Variants in NDUFB11 observed in about 807,000 individuals in gnomAD.
The protein encoded by NDUFB11 is NADH dehydrogenase [ubiquinone] 1 beta subcomplex subunit 11, mitochondrial.
For missense variants in NDUFB11, 108 were observed against 133.8 expected (o/e 0.81, Z 0.95); for synonymous variants, 51 against 57.4 (o/e 0.89, Z 0.51).
chrX:47,142,549 C>G (rs782122039), intron 2 of NDUFB11, 65 bp downstream of exon 2: 2 of 1,202,944 alleles, frequency 1.7e-6, no homozygotes, highest in Non-Finnish European at 2.2e-6. Flanking sequence ...CTGGCAGAAT[C>G]CCCTTCAACC....
chrX:47,144,560 C>A lies in NDUFB11; in HGVS notation c.120G>T (p.Pro40=). ...ESSFSRTVVA[P]SAVAGKRPPE... ...GGGGCCGCTTTCCCGCCACAGCGGA[C>A]GGGGCGACCACAGTCCTGGAGAAGC... is the stretch of plus-strand genomic sequence containing the variant. Residue 40 remains proline (P), a synonymous_variant, in exon 1 of 3, where the codon CCG becomes CCT. Coordinates refer to ENST00000377811, the MANE Select transcript of NDUFB11 (RefSeq NM_001135998.3). 1 of 1,191,558 alleles carries A rather than the reference C, an allele frequency of 8.4e-7. No individual in the cohort carries two copies. Among genetic ancestry groups the A allele is most frequent in the Non-Finnish European group, 1.1e-6 (1 of 884,224 alleles).
At chrX:47,142,557 A>G (rs2147049616) in intron 2 of NDUFB11, 57 bp downstream of exon 2, 2 of 1,205,749 alleles carry the variant, frequency 1.7e-6, no homozygotes, top group Non-Finnish European at 2.2e-6. Context: ...ATCCCCTTCA[A>G]CCTCCATCCC....
chrX:47,142,863 G>T, intron 1 of NDUFB11, 119 bp from the exon 2 acceptor site: 1 of 845,739 alleles, frequency 1.2e-6, no homozygotes, highest in Non-Finnish European at 1.7e-6. Flanking sequence ...CCATTCTTGG[G>T]ATATGTCAAG....
intron 1 of NDUFB11, 74 bp from the exon 2 acceptor site, chrX:47,142,818 T>G: frequency 1.9e-6 from 2 of 1,072,295 alleles, no homozygotes; most frequent in Non-Finnish European, 1.3e-6. Flanking sequence ...CATAACTTGG[T>G]CTCCATGTGC....
At chrX:47,144,128 T>TAA (rs781935812) in intron 1 of NDUFB11, among the ~76,000 whole-genome samples, 46 of 86,405 alleles carry the variant, frequency 5.3e-4, no homozygotes, top group Middle Eastern at 6.5e-3. Context: ...CTCGTCCCTA[T>TAA]AAAAAAAAAA....
intron 1 of NDUFB11, 32 bp from the exon 2 acceptor site, chrX:47,142,776 C>G (rs183198191): frequency 8.4e-7 from 1 of 1,189,824 alleles, no homozygotes; most frequent in Non-Finnish European, 1.1e-6. Context: ...TGAGGGCTTC[C>G]TGCTGCTCCA....
rs1931797860 is a variant in NDUFB11, at chrX:47,142,246, C to T, written c.*71G>A. On this transcript the variant is annotated 3_prime_UTR_variant, in exon 3 of 3. Transcript: ENST00000377811. ...CTTTCAGCCCCTTTAATTAGGTGCT[C>T]TGAGAAGAGGTCAGAATGGCAGGCA... 2 of 1,158,301 alleles carry T rather than the reference C, an allele frequency of 1.7e-6. No individual in the cohort carries two copies. The highest frequency in any genetic ancestry group is 2.3e-6 in the Non-Finnish European group (2 of 870,211).
At position 47,144,500 on chromosome X, in the gene NDUFB11, T is replaced by C. The variant is rs1556761186; in HGVS notation, c.180A>G (p.Glu60=). The change falls in exon 1 of 3, where the codon GAA becomes GAG. Residue 60 remains glutamate, a synonymous_variant. Transcript: ENST00000377811. ...EPTTPWQEDP[E]PEDENLYEKN... ...TCTCATACAAGTTTTCGTCCTCGGG[T>C]TCTGGGTCCTCTTGCCACGGTGTGG... 2.4e-6 allele frequency: 2 copies of C among 821,421 alleles called. No homozygotes were observed. The highest frequency in any genetic ancestry group is 3.2e-5 in the South Asian group (1 of 31,221). The allele number at this position is 821,421 out of a possible 1,213,427, so 67.7% of individuals were successfully genotyped here. A position where few individuals can be genotyped will look rare whatever the true frequency, so the allele number is the denominator to read the frequency against.
At chrX:47,144,446 A>AGCCCCCCC in intron 1 of NDUFB11, 27 bp downstream of exon 1, 1 of 53,657 alleles carries the variant, frequency 1.9e-5, no homozygotes, top group Admixed American at 1.9e-4. Context: ...CGTCCCCACT[A>AGCCCCCCC]CCCCCCCCCC....
At chrX:47,142,900 C>G (rs1436024769) in intron 1 of NDUFB11, among the ~76,000 whole-genome samples, 156 bp from the exon 2 acceptor site, 1 of 112,153 alleles carries the variant, frequency 8.9e-6, no homozygotes, top group African/African-American at 3.2e-5. Context: ...GGCCACTGCA[C>G]TTGCTGCTCT....
chrX:47,144,712 G>T (rs1931970332), upstream of NDUFB11: 20 of 1,099,978 alleles, frequency 1.8e-5, no homozygotes, highest in Non-Finnish European at 2.3e-5. Context: ...CAGGGGCGGG[G>T]AAAGAAATGC....
At chrX:47,142,891 GC>G in intron 1 of NDUFB11, 147 bp from the exon 2 acceptor site, 1 of 620,906 alleles carries the variant, frequency 1.6e-6, no homozygotes, top group Non-Finnish European at 2.4e-6. Context: ...CCACTGCAGG[GC>G]CACTGCACTT....
In NDUFB11 at chrX:47,142,390, T is replaced by C. The variant is rs1931804325; in HGVS notation, c.389A>G (p.Glu130Gly). The C allele has an allele frequency of 8.3e-7, 1 of 1,209,866 alleles. No homozygotes were observed. The highest frequency in any genetic ancestry group is 2.2e-5 in the Admixed American group (1 of 45,738). ...TTCCATGATGGGAAGGCCATTGGCC[T>C]CTCGGTATTTCACAAGCCTCTCAGC... is the stretch of plus-strand genomic sequence containing the variant. ...REAERLVKYR[E>G]ANGLPIMESN... Residue 130 changes from glutamate to glycine, a missense_variant, in exon 3 of 3, where the codon GAG (glutamate) becomes GGG (glycine). Coordinates refer to ENST00000377811, the MANE Select transcript of NDUFB11 (RefSeq NM_001135998.3).
intron 1 of NDUFB11, 27 bp downstream of exon 1, chrX:47,144,446 A>AGCCCCCCCCCCCC: frequency 1.9e-5 from 1 of 53,658 alleles, no homozygotes; most frequent in African/African-American, 3.5e-4. Flanking sequence ...CGTCCCCACT[A>AGCCCCCCCCCCCC]CCCCCCCCCC....
At chrX:47,144,445 T>TGGGCCCCCCCCCCCC in intron 1 of NDUFB11, 28 bp downstream of exon 1, 1 of 61,004 alleles carries the variant, frequency 1.6e-5, no homozygotes, top group Non-Finnish European at 2.6e-5. Context: ...CCGTCCCCAC[T>TGGGCCCCCCCCCCCC]ACCCCCCCCC....
intron 1 of NDUFB11, 104 bp from the exon 2 acceptor site, chrX:47,142,848 T>C: frequency 3.2e-6 from 3 of 926,630 alleles, no homozygotes; most frequent in Non-Finnish European, 4.5e-6. Flanking sequence ...TAAATTCCTC[T>C]GTTTCCATTC....
rs1931955439 is a variant in NDUFB11, at chrX:47,144,597, C to G, written c.83G>C (p.Arg28Pro). 2 of 1,200,786 alleles carry G rather than the reference C, an allele frequency of 1.7e-6. No individual in the cohort carries two copies. The highest frequency in any genetic ancestry group is 3.5e-5 in the African/African-American group (2 of 57,502). The part of the protein sequence containing the change: ...ATRGLPAARV[R>P]WESSFSRTVV... ...AGTCCTGGAGAAGCTAGATTCCCAG[C>G]GGACGCGGGCGGCCGGGAGCCCTCG... The change falls in exon 1 of 3, where the codon CGC becomes CCC. Residue 28 changes from arginine (R) to proline (P), a missense_variant. Transcript: ENST00000377811.
In NDUFB11 at chrX:47,142,416, T is replaced by C; in HGVS notation, c.363A>G (p.Glu121=). ...CTCGGTATTTCACAAGCCTCTCAGC[T>C]TCGCGGCGGGACCACTCTTTCATCC... ...DYRMKEWSRR[E]AERLVKYREA... is the part of the protein sequence containing the mutation. The change falls in exon 3 of 3, where the codon GAA becomes GAG. Residue 121 remains glutamate (E), a synonymous_variant. Coordinates refer to ENST00000377811, the MANE Select transcript of NDUFB11 (RefSeq NM_001135998.3). 3 of 1,211,699 alleles carry C rather than the reference T, an allele frequency of 2.5e-6. No homozygotes were observed. Among genetic ancestry groups the C allele is most frequent in the Non-Finnish European group, 3.4e-6 (3 of 895,494 alleles).
At chrX:47,145,297 G>T, upstream of NDUFB11, 1 of 610,820 alleles carries the variant, frequency 1.6e-6, no homozygotes, top group Non-Finnish European at 2.6e-6. Context: ...GGCCGGCTGG[G>T]AGTAGGCGGC....
Sources: allele counts gnomAD v4.1 joint callset (sites outside exome capture counted in the v4.1 genomes callset), GRCh38; gene constraint gnomAD v4.1.1; transcripts MANE v1.5; gene names NCBI Gene and HGNC (gene_info 2026-07-23, HGNC 2026-07-21).